SND1: variants seen among roughly 807,000 people sequenced by gnomAD.
The protein encoded by SND1 is staphylococcal nuclease and tudor domain containing 1.
A neutral mutation model predicts 121.7 loss-of-function variants in SND1; 38 were observed. The observed-to-expected ratio is 0.31, with a 90% CI of 0.24 to 0.41. The LOEUF is 0.41. SND1 is among the 10% of genes least tolerant of loss of function. The pLI is 1.00. For synonymous variants in SND1, 401 were observed against 447.4 expected, an observed-to-expected ratio of 0.90 and a Z score of 1.31; for missense variants, 868 against 1,184.6, an observed-to-expected ratio of 0.73 and a Z score of 3.92.
intron 12 of SND1, among the ~76,000 whole-genome samples, chr7:127,879,680 G>A (rs980335137): frequency 6.6e-6 from 1 of 152,118 alleles, no homozygotes; most frequent in African/African-American, 2.4e-5. Context: ...CTCCATCCTG[G>A]CTCTTCTGAG....
intron 16 of SND1, among the ~76,000 whole-genome samples, chr7:128,031,851 C>T (rs1792623777): frequency 6.7e-6 from 1 of 150,220 alleles, no homozygotes; most frequent in African/African-American, 2.4e-5. Flanking sequence ...GAGTTCGCGG[C>T]TTCGGCTCCC....
intron 11 of SND1, among the ~76,000 whole-genome samples, chr7:127,821,451 C>G (rs1798546740): frequency 6.6e-6 from 1 of 152,182 alleles, no homozygotes; most frequent in South Asian, 2.1e-4. Context: ...TCCATGTCAT[C>G]ATCTCTGCTC....
intron 6 of SND1, 60 bp from the exon 7 acceptor site, chr7:127,703,105 C>G (rs1796131768): frequency 1.3e-6 from 2 of 1,569,780 alleles, no homozygotes; most frequent in Non-Finnish European, 8.7e-7. Flanking sequence ...TAGTGTGGGG[C>G]GAGAGTGCCT....
At chr7:127,926,740 TG>T (rs1479636807) in intron 14 of SND1, among the ~76,000 whole-genome samples, 1 of 148,026 alleles carries the variant, frequency 6.8e-6, no homozygotes, top group Non-Finnish European at 1.5e-5. Context: ...TTGTTGTTGT[TG>T]TTGTTGTTGT....
At chr7:127,897,603 C>T in intron 13 of SND1, among the ~76,000 whole-genome samples, 1 of 152,048 alleles carries the variant, frequency 6.6e-6, no homozygotes, top group Non-Finnish European at 1.5e-5. Context: ...TTTGGTTTGC[C>T]TTGGTAAAGG....
intron 10 of SND1, among the ~76,000 whole-genome samples, chr7:127,787,684 C>T (rs577220221): frequency 6.6e-6 from 1 of 152,318 alleles, no homozygotes; most frequent in South Asian, 2.1e-4. Flanking sequence ...TTTCCTTCCT[C>T]CCTGGCTCCC....
At chr7:127,751,206 A>G (rs554782597) in intron 10 of SND1, among the ~76,000 whole-genome samples, 5 of 151,902 alleles carry the variant, frequency 3.3e-5, no homozygotes, top group South Asian at 2.1e-4. Context: ...CTCTTGTTGA[A>G]TGGTGTAAAA....
chr7:127,680,185 C>T (rs2116288041), intron 1 of SND1, among the ~76,000 whole-genome samples: 1 of 152,194 alleles, frequency 6.6e-6, no homozygotes, highest in South Asian at 2.1e-4. Flanking sequence ...GTGTGGGTCA[C>T]AGAGATCACG....
chr7:127,940,913 G>C (rs1035554061), intron 15 of SND1, among the ~76,000 whole-genome samples: 1 of 152,230 alleles, frequency 6.6e-6, no homozygotes, highest in African/African-American at 2.4e-5. Context: ...TTTCAGTCCT[G>C]GCACTGGACA....
chr7:127,968,602 C>A (rs1801907468), intron 15 of SND1, among the ~76,000 whole-genome samples: 1 of 152,214 alleles, frequency 6.6e-6, no homozygotes, highest in Non-Finnish European at 1.5e-5. Flanking sequence ...ATGTTATGTT[C>A]ATATAGTTTG....
chr7:127,714,857 T>C (rs1019004501), intron 9 of SND1, among the ~76,000 whole-genome samples: 1 of 152,254 alleles, frequency 6.6e-6, no homozygotes, highest in Non-Finnish European at 1.5e-5. Context: ...AATATTCCAT[T>C]GTATGTGTAT....
intron 16 of SND1, among the ~76,000 whole-genome samples, chr7:128,012,810 T>A (rs1316670881): frequency 6.6e-6 from 1 of 152,202 alleles, no homozygotes; most frequent in Non-Finnish European, 1.5e-5. Context: ...TTCTTCTTTC[T>A]TGGGGGGTTT....
At chr7:128,005,223 T>C (rs533468647) in intron 16 of SND1, among the ~76,000 whole-genome samples, 5 of 152,356 alleles carry the variant, frequency 3.3e-5, no homozygotes, top group African/African-American at 1.2e-4. Flanking sequence ...AGTAGCCCTG[T>C]TGGAGCATTG....
At chr7:128,016,518 G>C (rs1803229076) in intron 16 of SND1, among the ~76,000 whole-genome samples, 1 of 152,136 alleles carries the variant, frequency 6.6e-6, no homozygotes, top group African/African-American at 2.4e-5. Flanking sequence ...GTGGGCATGG[G>C]GCCGTGTGGG....
intron 11 of SND1, among the ~76,000 whole-genome samples, chr7:127,820,401 T>C (rs325444): frequency 0.67 from 102,121 of 152,060 alleles, 35,206 homozygotes; most frequent in East Asian, 0.92. Context: ...TGTCGGCAGT[T>C]TGGAAGCAAA....
chr7:127,824,701 TC>T (rs1347343513), intron 11 of SND1, among the ~76,000 whole-genome samples: 3 of 152,140 alleles, frequency 2.0e-5, no homozygotes, highest in African/African-American at 7.2e-5. Flanking sequence ...CCTCATGCAT[TC>T]TTTTTTTTTT....
At chr7:127,936,248 G>C (rs772363751) in intron 15 of SND1, among the ~76,000 whole-genome samples, 1 of 152,054 alleles carries the variant, frequency 6.6e-6, no homozygotes, top group Non-Finnish European at 1.5e-5. Context: ...CCTCCTAAGC[G>C]TGCTGATTTC....
rs1341123138 is a variant in SND1 at position 128,089,499 on chromosome 7, G to T, written c.2429G>T (p.Arg810Leu). The T allele has an allele frequency of 6.2e-7, 1 of 1,612,544 alleles. No individual in the cohort carries two copies. The highest frequency in any genetic ancestry group is 1.7e-4 in the Middle Eastern group (1 of 6,040). ...GTGTCTCTGCTCCAGGATGATGCCCGCACGGACGCCGTGGACAGCGTAGTT... is the reference window on the plus strand; with the variant it reads ...GTGTCTCTGCTCCAGGATGATGCCCTCACGGACGCCGTGGACAGCGTAGTT... ...FIQVPQDDDARTDAVDSVVRD... is the reference protein window; with the variant it reads ...FIQVPQDDDALTDAVDSVVRD... Residue 810 changes from arginine (R) to leucine (L), a missense_variant, in exon 22 of 24, where the codon CGC becomes CTC. By Grantham distance (102) the Arg-to-Leu change is moderately radical (BLOSUM62 -2). Transcript: ENST00000354725.
chr7:128,073,726 G>C (rs1414054483), intron 16 of SND1, among the ~76,000 whole-genome samples: 1 of 152,200 alleles, frequency 6.6e-6, no homozygotes, highest in Admixed American at 6.5e-5. Flanking sequence ...ATTTATCCTG[G>C]GCAGTGGCCT....
Sources: gnomAD v4.1 joint callset for allele counts (sites outside exome capture counted in the v4.1 genomes callset) on GRCh38, gnomAD v4.1.1 for gene constraint, MANE v1.5 for transcripts, NCBI Gene and HGNC (gene_info 2026-07-23, HGNC 2026-07-21) for gene names.